The following SEZ6L variants were observed in gnomAD, a reference collection of about 807,000 sequenced individuals.
The protein encoded by SEZ6L is seizure related 6 homolog like.
In SEZ6L, 37 loss-of-function variants were observed where a neutral mutation model predicts 106.2. The ratio of observed to expected loss-of-function variants is 0.35; its 90% CI spans 0.27 to 0.46. SEZ6L has a LOEUF of 0.46. SEZ6L is among the 20% of genes least tolerant of loss of function. The probability of loss-of-function intolerance (pLI) is 1.00; values close to 1 mark genes in which losing one functional copy is unlikely to be tolerated. For synonymous variants in SEZ6L, 541 were observed against 570.4 expected (o/e 0.95, Z 0.73); for missense variants, 1,172 against 1,332.8 (o/e 0.88, Z 1.88).
Position 26,297,006 on chromosome 22 carries a change from C to A in SEZ6L, c.1088C>A (p.Pro363His). The change falls in exon 4 of 17, where the codon CCC becomes CAC. Residue 363 changes from proline to histidine, a missense_variant. Coordinates refer to ENST00000248933, the MANE Select transcript of SEZ6L (RefSeq NM_021115.5). The stretch of plus-strand genomic sequence containing the variant: ...GTGGAGGGGCAGGTAATCCGAAGCC[C>A]CACCAACACCATCTCCGTCTACTTC... ...LLVEGQVIRSPTNTISVYFRT... is the reference protein window; with the variant it reads ...LLVEGQVIRSHTNTISVYFRT... 1 of 1,614,122 alleles carries A rather than the reference C, an allele frequency of 6.2e-7. No homozygotes were observed. Among genetic ancestry groups the A allele is most frequent in the Non-Finnish European group, 8.5e-7 (1 of 1,180,012 alleles).
At chr22:26,320,964 G>A (rs2082137867) in intron 9 of SEZ6L, among the ~76,000 whole-genome samples, 1 of 152,174 alleles carries the variant, frequency 6.6e-6, no homozygotes, top group African/African-American at 2.4e-5. Context: ...CAACGGTGTT[G>A]AAGCAGAGAA....
chr22:26,204,640 G>A (rs1016112554), intron 1 of SEZ6L, among the ~76,000 whole-genome samples: 9 of 152,196 alleles, frequency 5.9e-5, no homozygotes, highest in Non-Finnish European at 1.0e-4. Context: ...TTCTAATCTA[G>A]TCTGGAAGTT....
At chr22:26,208,978 G>A (rs1602037963) in intron 1 of SEZ6L, among the ~76,000 whole-genome samples, 1 of 150,304 alleles carries the variant, frequency 6.7e-6, no homozygotes, top group African/African-American at 2.4e-5. Flanking sequence ...TCTTCAGATT[G>A]AATAATTTCT....
intron 1 of SEZ6L, among the ~76,000 whole-genome samples, chr22:26,196,635 C>T (rs903629862): frequency 6.6e-6 from 1 of 152,176 alleles, no homozygotes; most frequent in African/African-American, 2.4e-5. Context: ...ATTTTCAAAA[C>T]TCACTTTGAC....
At chr22:26,195,889 G>A (rs1009314865) in intron 1 of SEZ6L, among the ~76,000 whole-genome samples, 2 of 152,016 alleles carry the variant, frequency 1.3e-5, no homozygotes, top group East Asian at 1.9e-4. Context: ...GTCATGGAAG[G>A]CTTCTATGAG....
At position 26,340,380 on chromosome 22, in the gene SEZ6L, T is replaced by G. The variant is rs76256642; in HGVS notation, c.2016-56T>G. 1.7e-3 allele frequency: 2,497 copies of G among 1,500,106 alleles called. 37 individuals are homozygous for G. In the African/African-American group the frequency reaches 0.031, roughly 19 times the overall value. 92.9% of individuals were successfully genotyped at this position (1,500,106 alleles called of 1,614,324 possible). A position where few individuals can be genotyped will look rare whatever the true frequency, so the allele number is the denominator to read the frequency against. On this transcript the variant is annotated intron_variant, in intron 9 of 16. Coordinates refer to ENST00000248933, the MANE Select transcript of SEZ6L (RefSeq NM_021115.5). ...TTGCCTGAAAAAGTTAATCAAGGGT[T>G]TATTGAATGCCCATTCTCTATTTCA...
At chr22:26,295,984 T>C (rs1012144115) in intron 3 of SEZ6L, among the ~76,000 whole-genome samples, 1 of 152,066 alleles carries the variant, frequency 6.6e-6, no homozygotes, top group African/African-American at 2.4e-5. Flanking sequence ...GGATAAGATA[T>C]AGGGCCTGAA....
chr22:26,178,383 C>T (rs1939163571), intron 1 of SEZ6L, among the ~76,000 whole-genome samples: 1 of 152,182 alleles, frequency 6.6e-6, no homozygotes, highest in Non-Finnish European at 1.5e-5. Context: ...TCACTCTCAC[C>T]ATGGGTCATG....
rs79873029 is a variant in SEZ6L at position 26,230,267 on chromosome 22, C to T, written c.94+60504C>T. On this transcript the variant is annotated intron_variant, in intron 1 of 16. Transcript: ENST00000248933. ...GCCCCTCACTTTACAATTTGGGAAACTGAGGGAGAAAAAAAGATAACCATT... is the reference window on the plus strand; with the variant it reads ...GCCCCTCACTTTACAATTTGGGAAATTGAGGGAGAAAAAAAGATAACCATT... 7.5e-3 allele frequency among the ~76,000 whole-genome samples: 1,132 copies of T among 151,696 alleles called. 17 individuals are homozygous for T. Among genetic ancestry groups the T allele is most frequent in the African/African-American group, 0.025 (1,039 of 41,360 alleles).
intron 15 of SEZ6L, 105 bp downstream of exon 15, chr22:26,375,794 G>A (rs1309722423): frequency 2.6e-5 from 19 of 730,040 alleles, no homozygotes; most frequent in Non-Finnish European, 4.3e-5. Context: ...CCTGGAGCTC[G>A]GGCATAGTGG....
At chr22:26,270,291 G>C (rs899935637) in intron 1 of SEZ6L, among the ~76,000 whole-genome samples, 1 of 152,060 alleles carries the variant, frequency 6.6e-6, no homozygotes, top group African/African-American at 2.4e-5. Flanking sequence ...TTTCTTCCTG[G>C]GTAACACTAG....
At chr22:26,350,661 T>C (rs1291487703) in intron 11 of SEZ6L, among the ~76,000 whole-genome samples, 2 of 149,540 alleles carry the variant, frequency 1.3e-5, no homozygotes, top group Non-Finnish European at 3.0e-5. Flanking sequence ...GAAACTTTTT[T>C]TTTTTTTTTT....
At chr22:26,356,328 G>GT (rs901514177) in intron 12 of SEZ6L, among the ~76,000 whole-genome samples, 10 of 151,994 alleles carry the variant, frequency 6.6e-5, no homozygotes, top group South Asian at 2.1e-4. Context: ...AAGAAAAACG[G>GT]TTTTTTTTAT....
chr22:26,328,754 G>A (rs868362932), intron 9 of SEZ6L, among the ~76,000 whole-genome samples: 1 of 152,162 alleles, frequency 6.6e-6, no homozygotes, highest in Non-Finnish European at 1.5e-5. Context: ...GGGAATAAGA[G>A]GGAAATTGAG....
At chr22:26,316,740 G>C (rs964602191) in intron 9 of SEZ6L, among the ~76,000 whole-genome samples, 1 of 151,994 alleles carries the variant, frequency 6.6e-6, no homozygotes, top group African/African-American at 2.4e-5. Flanking sequence ...GCTGAGGCAA[G>C]AGAATCACCT....
chr22:26,315,634 C>T (rs1416242042), intron 9 of SEZ6L, among the ~76,000 whole-genome samples: 3 of 151,978 alleles, frequency 2.0e-5, no homozygotes, highest in Non-Finnish European at 4.4e-5. Flanking sequence ...TTGGGCTGGG[C>T]TCACCTGTTC....
At chr22:26,205,708 C>G (rs1331785949) in intron 1 of SEZ6L, among the ~76,000 whole-genome samples, 1 of 152,150 alleles carries the variant, frequency 6.6e-6, no homozygotes, top group Non-Finnish European at 1.5e-5. Flanking sequence ...CCAATCCAAT[C>G]ACACTGCTCT....
intron 8 of SEZ6L, 59 bp from the exon 9 acceptor site, chr22:26,313,705 A>G: frequency 2.5e-6 from 4 of 1,581,128 alleles, no homozygotes; most frequent in Admixed American, 1.7e-5. Context: ...GTTAGCCGCT[A>G]TGCCACATTG....
chr22:26,296,503 CT>C (rs2081304429), intron 3 of SEZ6L, among the ~76,000 whole-genome samples: 1 of 152,226 alleles, frequency 6.6e-6, no homozygotes, highest in Non-Finnish European at 1.5e-5. Flanking sequence ...TCCCGGCTCC[CT>C]GGAGATTGGA....
Sources: allele counts gnomAD v4.1 joint callset (sites outside exome capture counted in the v4.1 genomes callset), GRCh38; gene constraint gnomAD v4.1.1; transcripts MANE v1.5; gene names NCBI Gene and HGNC (gene_info 2026-07-23, HGNC 2026-07-21).